Variants in ABCC4 observed in about 807,000 individuals in gnomAD.
ABCC4 encodes the protein ATP-binding cassette sub-family C member 4.
ABCC4 carries 102 observed loss-of-function variants against 168.5 expected under a neutral mutation model. The ratio of observed to expected loss-of-function variants is 0.61; its 90% CI spans 0.52 to 0.71. ABCC4 has a LOEUF of 0.71. ABCC4 is among the 30% of genes least tolerant of loss of function. ABCC4 has a pLI of 0.00. For synonymous variants in ABCC4, 617 were observed against 590.7 expected, an observed-to-expected ratio of 1.04 and a Z score of -0.65; for missense variants, 1,402 against 1,605.8, an observed-to-expected ratio of 0.87 and a Z score of 2.17.
At chr13:95,291,151 C>T (rs539135908) in intron 1 of ABCC4, among the ~76,000 whole-genome samples, 2 of 151,998 alleles carry the variant, frequency 1.3e-5, no homozygotes, top group South Asian at 2.1e-4. Context: ...CTCAAGAGTT[C>T]GAGACTAGTC....
chr13:95,213,819 A>G (rs1031904193), intron 4 of ABCC4, among the ~76,000 whole-genome samples: 2 of 152,320 alleles, frequency 1.3e-5, no homozygotes, highest in South Asian at 4.1e-4. Context: ...AACTACCTGC[A>G]TGAACAAAAC....
intron 9 of ABCC4, among the ~76,000 whole-genome samples, chr13:95,189,121 A>AT (rs2038166916): frequency 9.8e-6 from 1 of 102,520 alleles, no homozygotes; most frequent in Non-Finnish European, 1.9e-5. Context: ...TTAAAACAAT[A>AT]TTCTTTTTTT....
chr13:95,161,915 C>T (rs2139545329), intron 18 of ABCC4: 1 of 151,916 alleles, frequency 6.6e-6, no homozygotes, highest in African/African-American at 2.4e-5. Context: ...GCAACTAATC[C>T]CCCACTGTTT....
chr13:95,126,273 C>A (rs1564354), intron 19 of ABCC4, among the ~76,000 whole-genome samples: 74,124 of 151,888 alleles, frequency 0.49, 18,775 homozygotes, highest in South Asian at 0.69. Flanking sequence ...AGGGCCTAGA[C>A]ATACCAAGCG....
intron 13 of ABCC4, among the ~76,000 whole-genome samples, chr13:95,171,163 A>G (rs567226231): frequency 6.6e-6 from 1 of 151,102 alleles, no homozygotes; most frequent in Non-Finnish European, 1.5e-5. Flanking sequence ...TGCTAGTGAC[A>G]TGTGACTCTC....
intron 20 of ABCC4, among the ~76,000 whole-genome samples, chr13:95,090,618 A>G (rs1167993604): frequency 6.6e-6 from 1 of 152,176 alleles, no homozygotes; most frequent in Non-Finnish European, 1.5e-5. Flanking sequence ...GGACAAAAGA[A>G]TCTGAACAAC....
At position 95,062,736 on chromosome 13, in the gene ABCC4, C is replaced by T. The variant is rs771698317; in HGVS notation, c.3334G>A (p.Asp1112Asn). ...KILTTEIGLH[D>N]LRKKMSIIPQ... Reference sequence around the variant, plus strand: ...ATGATTGACATCTTCTTCCTTAAATCGTGAAGTCCAATTTCAGTTGTCAAG... The same window carrying T: ...ATGATTGACATCTTCTTCCTTAAATTGTGAAGTCCAATTTCAGTTGTCAAG... Residue 1112 changes from aspartate to asparagine, a missense_variant, in exon 26 of 31, where the codon GAT becomes AAT. Asp to Asn is a conservative substitution (Grantham distance 23, BLOSUM62 1). Coordinates refer to ENST00000645237, the MANE Select transcript of ABCC4 (RefSeq NM_005845.5). The T allele has an allele frequency of 6.2e-6, 10 of 1,613,640 alleles. No individual in the cohort carries two copies. Among genetic ancestry groups the T allele is most frequent in the South Asian group, 1.1e-5 (1 of 91,004 alleles).
intron 1 of ABCC4, among the ~76,000 whole-genome samples, chr13:95,276,000 A>ATT (rs1222317501): frequency 6.6e-6 from 1 of 152,168 alleles, no homozygotes; most frequent in African/African-American, 2.4e-5. Flanking sequence ...ATAGCTGCAT[A>ATT]TTTAGAAAGA....
In ABCC4 at chr13:95,083,117, C is replaced by A. The variant is rs753053326; in HGVS notation, c.2686+23G>T. On this transcript the variant is annotated intron_variant, in intron 21 of 30. Coordinates refer to ENST00000645237, the MANE Select transcript of ABCC4 (RefSeq NM_005845.5). ...ATGGAAACTAGCTAGCATGTCTATA[C>A]CAACCCGAGTTTCCATACTCACTTG... 2.5e-6 allele frequency: 4 copies of A among 1,612,016 alleles called. No individual in the cohort carries two copies. The South Asian group carries it at 4.4e-5, about 18-fold the overall frequency.
intron 4 of ABCC4, among the ~76,000 whole-genome samples, chr13:95,215,007 T>TACA (rs2039072023): frequency 6.6e-6 from 1 of 151,656 alleles, no homozygotes; most frequent in African/African-American, 2.4e-5. Flanking sequence ...TTATCAGCAA[T>TACA]GAACCTGAAC....
In ABCC4 at chr13:95,161,352, T is replaced by C. The variant is rs1334591310; in HGVS notation, c.2309-17A>G. 5 of 1,561,258 alleles carry C rather than the reference T, an allele frequency of 3.2e-6. No individual in the cohort carries two copies. The highest frequency in any genetic ancestry group is 4.3e-6 in the Non-Finnish European group (5 of 1,158,422). ...CAGTTAAACCTGAAATAAAGAAATATCACTTAGAGAACACAGCATATCTCT... is the reference window on the plus strand; with the variant it reads ...CAGTTAAACCTGAAATAAAGAAATACCACTTAGAGAACACAGCATATCTCT... On this transcript the variant is annotated splice_polypyrimidine_tract_variant and intron_variant, in intron 18 of 30. Transcript: ENST00000645237.
chr13:95,119,648 C>T (rs947358442), intron 19 of ABCC4, among the ~76,000 whole-genome samples: 4 of 152,192 alleles, frequency 2.6e-5, no homozygotes, highest in African/African-American at 9.7e-5. Flanking sequence ...ATACGTCTCC[C>T]ATGACGAAGA....
chr13:95,136,970 G>A (rs1202746468), intron 19 of ABCC4, among the ~76,000 whole-genome samples: 1 of 152,218 alleles, frequency 6.6e-6, no homozygotes, highest in Non-Finnish European at 1.5e-5. Context: ...TAGAGTAGCA[G>A]GTTTATGCAA....
At chr13:95,221,605 C>T (rs1056860268) in intron 4 of ABCC4, among the ~76,000 whole-genome samples, 4 of 150,864 alleles carry the variant, frequency 2.7e-5, no homozygotes, top group African/African-American at 9.8e-5. Context: ...TGTTTGAAGG[C>T]CTGACAGTAA....
Position 95,071,777 on chromosome 13 carries a change from G to A in ABCC4, c.3095C>T (p.Pro1032Leu). Residue 1032 changes from proline (P) to leucine (L), a missense_variant, in exon 25 of 31, where the codon CCA (proline) becomes CTA (leucine). This residue lies in a region of ABCC4 where 1,007 missense variants were observed against 1,127.3 expected (regional missense o/e 0.89). Coordinates refer to ENST00000645237, the MANE Select transcript of ABCC4 (RefSeq NM_005845.5). ...EAPWEYQKRPPPAWPHEGVII... is the reference protein window; with the variant it reads ...EAPWEYQKRPLPAWPHEGVII... Reference sequence around the variant, plus strand: ...CACTCCTTCATGGGGCCAGGCTGGTGGTGGGCGTTTCTGATATTCCCAAGG... The same window carrying A: ...CACTCCTTCATGGGGCCAGGCTGGTAGTGGGCGTTTCTGATATTCCCAAGG... The A allele has an allele frequency of 3.1e-6, 5 of 1,608,320 alleles. No individual in the cohort carries two copies. The highest frequency in any genetic ancestry group is 4.2e-6 in the Non-Finnish European group (5 of 1,177,304).
At chr13:95,106,593 T>C (rs544531337) in intron 20 of ABCC4, among the ~76,000 whole-genome samples, 1 of 152,056 alleles carries the variant, frequency 6.6e-6, no homozygotes, top group Admixed American at 6.5e-5. Flanking sequence ...GATGGTCACC[T>C]TCTTGTGAGA....
intron 20 of ABCC4, among the ~76,000 whole-genome samples, chr13:95,102,265 C>A (rs955606510): frequency 6.6e-6 from 1 of 152,176 alleles, no homozygotes; most frequent in African/African-American, 2.4e-5. Flanking sequence ...CGGACTCAGC[C>A]TCCAGAGTAG....
chr13:95,206,743 CT>C lies in ABCC4; in HGVS notation c.949del (p.Arg317GlufsTer3). 1.9e-6 allele frequency: 3 copies of C among 1,614,094 alleles called. No individual in the cohort carries two copies. Among genetic ancestry groups the C allele is most frequent in the Non-Finnish European group, 2.5e-6 (3 of 1,179,980 alleles). On this transcript the variant is annotated frameshift_variant, in exon 8 of 31. Coordinates refer to ENST00000645237, the MANE Select transcript of ABCC4 (RefSeq NM_005845.5). LOFTEE classifies it high-confidence loss of function. Reference protein sequence around the residue: ...ISKILRSSCLRGMNLASFFSA... With the variant: ...ISKILRSSCLXGMNLASFFSA... ...GAAAAATGAAGCCAAATTCATCCCT[CT>C]GAGGCAGGAACTTCTCAGAATCTTG...
chr13:95,132,432 T>A (rs1405174773), intron 19 of ABCC4, among the ~76,000 whole-genome samples: 1 of 152,134 alleles, frequency 6.6e-6, no homozygotes, highest in Non-Finnish European at 1.5e-5. Flanking sequence ...GTCAGGCTGG[T>A]CTCGAACTCC....
Sources: allele counts gnomAD v4.1 joint callset (sites outside exome capture counted in the v4.1 genomes callset), GRCh38; gene constraint gnomAD v4.1.1; regional missense constraint gnomAD v4.1.1; transcripts MANE v1.5; gene names NCBI Gene and HGNC (gene_info 2026-07-23, HGNC 2026-07-21).